CNTNAP2: variants seen among roughly 807,000 people sequenced by gnomAD.
CNTNAP2 encodes contactin associated protein 2.
In CNTNAP2, 98 loss-of-function variants were observed where a neutral mutation model predicts 155.2. The observed-to-expected ratio is 0.63, with a 90% CI of 0.54 to 0.75. The LOEUF (loss-of-function observed/expected upper bound fraction) is 0.75. Ranked by LOEUF, CNTNAP2 falls within the 30% of genes least tolerant of loss-of-function variation. The pLI is 0.00. For synonymous variants in CNTNAP2, 651 were observed against 631.2 expected (o/e 1.03, Z -0.47); for missense variants, 1,727 against 1,688.1 (o/e 1.02, Z -0.40).
intron 20 of CNTNAP2, among the ~76,000 whole-genome samples, chr7:148,260,784 A>G (rs1175943975): frequency 6.6e-6 from 1 of 152,202 alleles, no homozygotes; most frequent in Non-Finnish European, 1.5e-5. Context: ...GCTGGGCCTG[A>G]GAGTTAAGTT....
chr7:146,353,262 T>G (rs1165356471), intron 1 of CNTNAP2, among the ~76,000 whole-genome samples: 1 of 152,218 alleles, frequency 6.6e-6, no homozygotes, highest in Non-Finnish European at 1.5e-5. Context: ...CTCATCTTTC[T>G]TGACTCAACA....
intron 10 of CNTNAP2, among the ~76,000 whole-genome samples, chr7:147,458,940 A>G (rs1797967871): frequency 6.6e-6 from 1 of 150,560 alleles, no homozygotes; most frequent in South Asian, 2.1e-4. Context: ...CAAGAGAGAA[A>G]GAAATTCCAT....
chr7:146,675,656 G>C (rs35082125), intron 1 of CNTNAP2, among the ~76,000 whole-genome samples: 7,474 of 152,168 alleles, frequency 0.049, 664 homozygotes, highest in African/African-American at 0.17. Flanking sequence ...AGTGGTTCAA[G>C]AGCTCCCACA....
chr7:146,547,021 A>G (rs1187968138), intron 1 of CNTNAP2, among the ~76,000 whole-genome samples: 6 of 152,002 alleles, frequency 3.9e-5, no homozygotes, highest in African/African-American at 1.4e-4. Flanking sequence ...CAGGCAGGGG[A>G]GTCGTTTAGG....
At chr7:146,165,236 C>T (rs1798295552) in intron 1 of CNTNAP2, among the ~76,000 whole-genome samples, 2 of 151,870 alleles carry the variant, frequency 1.3e-5, no homozygotes, top group East Asian at 1.9e-4. Flanking sequence ...ACAGAAGGCA[C>T]GCTTTTAAAA....
At chr7:146,769,967 A>G (rs1417986824) in intron 1 of CNTNAP2, among the ~76,000 whole-genome samples, 1 of 152,100 alleles carries the variant, frequency 6.6e-6, no homozygotes, top group Admixed American at 6.5e-5. Flanking sequence ...CTTGAGAGAA[A>G]CTTAAACTTC....
In CNTNAP2 at chr7:146,358,017, T is replaced by A. The variant is rs921539546; in HGVS notation, c.97+241044T>A. 1.1e-4 allele frequency among the ~76,000 whole-genome samples: 16 copies of A among 146,990 alleles called. No homozygotes were observed. In the East Asian group the frequency reaches 2.7e-3, roughly 25 times the overall value. The stretch of plus-strand genomic sequence containing the variant: ...GCAGCTTTATTTATTTATTTATTTA[T>A]TTAATTTTATTTATTTATTTATTTA... On this transcript the variant is annotated intron_variant, in intron 1 of 23. Transcript: ENST00000361727.
intron 13 of CNTNAP2, among the ~76,000 whole-genome samples, chr7:147,826,459 T>G (rs1405024713): frequency 6.6e-6 from 1 of 152,218 alleles, no homozygotes; most frequent in Non-Finnish European, 1.5e-5. Flanking sequence ...TCAATCAATT[T>G]GATGGTGACC....
intron 1 of CNTNAP2, among the ~76,000 whole-genome samples, chr7:146,343,843 T>TA (rs1416172859): frequency 1.3e-5 from 2 of 151,940 alleles, no homozygotes; most frequent in African/African-American, 4.8e-5. Flanking sequence ...CTATATATAA[T>TA]TGGTAAATGG....
At chr7:148,270,941 C>A (rs1338493661) in intron 21 of CNTNAP2, among the ~76,000 whole-genome samples, 7 of 152,318 alleles carry the variant, frequency 4.6e-5, no homozygotes, top group Non-Finnish European at 8.8e-5. Context: ...TCCCTGAGGG[C>A]AGAAGGCAGA....
chr7:146,283,715 T>C (rs905336321), intron 1 of CNTNAP2, among the ~76,000 whole-genome samples: 4 of 152,196 alleles, frequency 2.6e-5, no homozygotes, highest in African/African-American at 7.2e-5. Context: ...AATTAGGAAA[T>C]AATTCGGCTT....
In CNTNAP2 at chr7:147,538,199, A is replaced by T. The variant is rs1004096105; in HGVS notation, c.1778-23939A>T. ...AGTCAAGGTGGCCAAAAAATCAAGC[A>T]ATCTTTTAAGAATGTTGAATCAAAT... On this transcript the variant is annotated intron_variant, in intron 11 of 23. Coordinates refer to ENST00000361727, the MANE Select transcript of CNTNAP2 (RefSeq NM_014141.6). 2.0e-5 allele frequency among the ~76,000 whole-genome samples: 3 copies of T among 152,372 alleles called. No homozygotes were observed. The East Asian group carries it at 5.8e-4, about 29-fold the overall frequency.
chr7:147,373,839 A>G (rs948518091), intron 9 of CNTNAP2, among the ~76,000 whole-genome samples: 2 of 151,994 alleles, frequency 1.3e-5, no homozygotes, highest in African/African-American at 4.8e-5. Flanking sequence ...AAATAATTAT[A>G]TTTCATCTAG....
chr7:147,821,192 C>T (rs773307804), intron 13 of CNTNAP2, among the ~76,000 whole-genome samples: 14 of 151,930 alleles, frequency 9.2e-5, no homozygotes, highest in Non-Finnish European at 1.6e-4. Context: ...AACAACATGA[C>T]TATATTAATT....
Position 148,075,395 on chromosome 7 carries a change from C to T in CNTNAP2, c.2384-42723C>T, listed in dbSNP as rs569243324. ...GAGATTGCAGTGAGCTGAGATCGTGCCACTGCACTCCAGCCTGGGTGACAC... is the reference window on the plus strand; with the variant it reads ...GAGATTGCAGTGAGCTGAGATCGTGTCACTGCACTCCAGCCTGGGTGACAC... On this transcript the variant is annotated intron_variant, in intron 15 of 23. Transcript: ENST00000361727. 7.9e-5 allele frequency among the ~76,000 whole-genome samples: 12 copies of T among 152,150 alleles called. No individual in the cohort carries two copies. In the South Asian group the frequency reaches 2.5e-3, roughly 32 times the overall value.
At chr7:147,878,012 A>G (rs1379266773) in intron 13 of CNTNAP2, among the ~76,000 whole-genome samples, 1 of 152,144 alleles carries the variant, frequency 6.6e-6, no homozygotes, top group African/African-American at 2.4e-5. Context: ...TCCAACACTG[A>G]GTTTTCTAAT....
At chr7:146,875,261 T>A (rs1365933564) in intron 3 of CNTNAP2, among the ~76,000 whole-genome samples, 2 of 152,124 alleles carry the variant, frequency 1.3e-5, no homozygotes, top group Non-Finnish European at 2.9e-5. Flanking sequence ...CTGAAGGGAT[T>A]CAGATAAATA....
chr7:146,428,713 G>T (rs1046905030), intron 1 of CNTNAP2, among the ~76,000 whole-genome samples: 7 of 151,822 alleles, frequency 4.6e-5, no homozygotes, highest in African/African-American at 1.7e-4. Context: ...TGTTCACTCT[G>T]ATGATAGTTT....
intron 1 of CNTNAP2, among the ~76,000 whole-genome samples, chr7:146,199,156 C>T (rs1010166238): frequency 1.3e-5 from 2 of 152,096 alleles, no homozygotes; most frequent in African/African-American, 4.8e-5. Context: ...TAAAACATGC[C>T]TAAAAATTAT....
Sources: allele counts gnomAD v4.1 joint callset (sites outside exome capture counted in the v4.1 genomes callset), GRCh38; gene constraint gnomAD v4.1.1; transcripts MANE v1.5; gene names NCBI Gene and HGNC (gene_info 2026-07-23, HGNC 2026-07-21).